Variants in ZNF354A observed in about 807,000 individuals in gnomAD.
The protein encoded by ZNF354A is epididymis luminal protein 104.
In ZNF354A, 25 loss-of-function variants were observed where a neutral mutation model predicts 53.3. That is an observed-to-expected ratio of 0.47 (90% CI 0.34 to 0.66). The LOEUF is 0.66. Ranked by LOEUF, ZNF354A falls within the 30% of genes least tolerant of loss-of-function variation. The pLI is 0.01. For synonymous variants in ZNF354A, 228 were observed against 249.0 expected (o/e 0.92, Z 0.79); for missense variants, 586 against 716.8 (o/e 0.82, Z 2.08).
At position 178,712,803 on chromosome 5, in the gene ZNF354A, A is replaced by T. The variant is rs1218448165; in HGVS notation, c.1075T>A (p.Cys359Ser). 6.2e-7 allele frequency: 1 copy of T among 1,614,040 alleles called. No individual in the cohort carries two copies. The highest frequency in any genetic ancestry group is 8.5e-7 in the Non-Finnish European group (1 of 1,180,034). ...SRKKSYLCNECGNTFKSSSSL... is the reference protein window; with the variant it reads ...SRKKSYLCNESGNTFKSSSSL... ...GAGCTAGACTTAAAGGTGTTGCCAC[A>T]TTCATTACATAAGTAGGACTTCTTT... The change falls in exon 5 of 5, where the codon TGT becomes AGT. Residue 359 changes from cysteine (C) to serine (S), a missense_variant. Coordinates refer to ENST00000335815, the MANE Select transcript of ZNF354A (RefSeq NM_005649.3).
At position 178,713,078 on chromosome 5, in the gene ZNF354A, T is replaced by C; in HGVS notation, c.800A>G (p.Glu267Gly). The change falls in exon 5 of 5, where the codon GAG (glutamate) becomes GGG (glycine). Residue 267 changes from glutamate (E) to glycine (G), a missense_variant. Glu to Gly is a moderately conservative substitution (Grantham distance 98). Transcript: ENST00000335815. Reference protein sequence around the residue: ...LIQHQITHTGEKPYICKECGK... With the variant: ...LIQHQITHTGGKPYICKECGK... ...ACATTCTTTACATATGTAGGGTTTC[T>C]CTCCAGTATGCGTTATTTGATGTTG... 1 of 1,613,990 alleles carries C rather than the reference T, an allele frequency of 6.2e-7. No individual in the cohort carries two copies. The highest frequency in any genetic ancestry group is 8.5e-7 in the Non-Finnish European group (1 of 1,179,886).
At chr5:178,721,539 G>C (rs1468948736) in intron 4 of ZNF354A, among the ~76,000 whole-genome samples, 2 of 152,090 alleles carry the variant, frequency 1.3e-5, no homozygotes, top group Admixed American at 6.5e-5. Flanking sequence ...TTAGATAACA[G>C]TACTAACTGT....
At chr5:178,715,778 C>A (rs888191755) in intron 4 of ZNF354A, among the ~76,000 whole-genome samples, 1 of 152,076 alleles carries the variant, frequency 6.6e-6, no homozygotes, top group Non-Finnish European at 1.5e-5. Flanking sequence ...GCCCTGAGCA[C>A]GGGGATCAGG....
chr5:178,730,462 A>T (rs1460718557), intron 1 of ZNF354A, 94 bp downstream of exon 1: 1 of 152,064 alleles, frequency 6.6e-6, no homozygotes, highest in Non-Finnish European at 1.5e-5. Context: ...GGTGCCCGCC[A>T]GCGCCCACAA....
chr5:178,723,665 G>A (rs1045160352), intron 4 of ZNF354A, among the ~76,000 whole-genome samples: 14 of 152,016 alleles, frequency 9.2e-5, no homozygotes, highest in Non-Finnish European at 1.8e-4. Context: ...TGCCTTGTGT[G>A]CAATGAGTGT....
In ZNF354A at chr5:178,720,063, C is replaced by T. The variant is rs1269538367; in HGVS notation, c.256+5313G>A. Among the ~76,000 whole-genome samples, 2 of 152,210 alleles carry T rather than the reference C, an allele frequency of 1.3e-5. 1 individual carries two copies. Among genetic ancestry groups the T allele is most frequent in the Admixed American group, 1.3e-4 (2 of 15,286 alleles). ...TAAACCATGATGGGGGTAGTACTGC[C>T]TATTTGTAAACATCCTCTATCATCT... On this transcript the variant is annotated intron_variant, in intron 4 of 4. Transcript: ENST00000335815.
intron 2 of ZNF354A, among the ~76,000 whole-genome samples, chr5:178,728,558 G>A (rs1765956347): frequency 6.6e-6 from 1 of 151,872 alleles, no homozygotes; most frequent in Non-Finnish European, 1.5e-5. Flanking sequence ...GGGAGGCTGA[G>A]GCGGGTGGAT....
chr5:178,718,823 C>T (rs1765759965), intron 4 of ZNF354A, among the ~76,000 whole-genome samples: 1 of 152,158 alleles, frequency 6.6e-6, no homozygotes, highest in Non-Finnish European at 1.5e-5. Flanking sequence ...GCCTCAAACT[C>T]CAGGGCTCAA....
rs755044490 is a variant in ZNF354A, at chr5:178,712,592, C to T, written c.1286G>A (p.Arg429Gln). 33 of 1,613,972 alleles carry T rather than the reference C, an allele frequency of 2.0e-5. No individual in the cohort carries two copies. Among genetic ancestry groups the T allele is most frequent in the African/African-American group, 1.3e-4 (10 of 74,910 alleles). Residue 429 changes from arginine (R) to glutamine (Q), a missense_variant, in exon 5 of 5, where the codon CGA becomes CAA. Physicochemically the swap from Arg to Gln is conservative, Grantham distance 43. This residue lies in a region of ZNF354A where 573 missense variants were observed against 680.1 expected (regional missense o/e 0.84). Coordinates refer to ENST00000335815, the MANE Select transcript of ZNF354A (RefSeq NM_005649.3). ...AAACTTCTCTCCAGTATGAATGATT[C>T]GGTGTCTATTAAGTCGTGAAATAGA... ...FTSISRLNRH[R>Q]IIHTGEKFYN...
chr5:178,727,179 G>T, intron 2 of ZNF354A, 54 bp from the exon 3 acceptor site: 2 of 1,513,926 alleles, frequency 1.3e-6, no homozygotes, highest in South Asian at 2.6e-5. Context: ...AGAGCAGAGG[G>T]GGCGGCAGTG....
intron 2 of ZNF354A, 110 bp downstream of exon 2, chr5:178,728,879 TC>T: frequency 7.8e-7 from 1 of 1,277,818 alleles, no homozygotes; most frequent in Non-Finnish European, 1.1e-6. Context: ...GACCAGCTCC[TC>T]CAAGAGAAAA....
chr5:178,726,852 T>G, intron 3 of ZNF354A, 147 bp downstream of exon 3: 1 of 1,257,156 alleles, frequency 8.0e-7, no homozygotes, highest in Non-Finnish European at 1.1e-6. Context: ...GGAATAGGTT[T>G]TTAATGTTTA....
At chr5:178,717,243 C>T (rs1765733946) in intron 4 of ZNF354A, among the ~76,000 whole-genome samples, 1 of 151,948 alleles carries the variant, frequency 6.6e-6, no homozygotes, top group Non-Finnish European at 1.5e-5. Context: ...CTGCGTGGAC[C>T]GACTACGCTG....
Position 178,712,180 on chromosome 5 carries a change from A to G in ZNF354A, c.1698T>C (p.Ile566=). Reference sequence around the variant, plus strand: ...CTCCAGTATGAATTCTCTGATGTGCAATACGTGATGAGCTTTGTCTAAAAG... The same window carrying G: ...CTCCAGTATGAATTCTCTGATGTGCGATACGTGATGAGCTTTGTCTAAAAG... ...GKTFRQSSSR[I]AHQRIHTGEK... The change falls in exon 5 of 5, where the codon ATT becomes ATC. Residue 566 remains isoleucine, a synonymous_variant. Transcript: ENST00000335815. 1.2e-6 allele frequency: 2 copies of G among 1,614,164 alleles called. No homozygotes were observed. Among genetic ancestry groups the G allele is most frequent in the Non-Finnish European group, 1.7e-6 (2 of 1,180,012 alleles).
chr5:178,719,056 T>C (rs1765763047), intron 4 of ZNF354A, among the ~76,000 whole-genome samples: 1 of 152,250 alleles, frequency 6.6e-6, no homozygotes, highest in Admixed American at 6.5e-5. Flanking sequence ...TCTTAAGTTA[T>C]TCCTTTGACC....
intron 4 of ZNF354A, among the ~76,000 whole-genome samples, chr5:178,719,938 C>T (rs1455561872): frequency 2.7e-5 from 3 of 109,656 alleles, no homozygotes; most frequent in Non-Finnish European, 4.2e-5. Flanking sequence ...CAGAGCGAGA[C>T]TCCGTCTCAA....
At chr5:178,721,372 C>T (rs1192576248) in intron 4 of ZNF354A, among the ~76,000 whole-genome samples, 1 of 152,130 alleles carries the variant, frequency 6.6e-6, no homozygotes, top group Non-Finnish European at 1.5e-5. Flanking sequence ...TGCATCTCAA[C>T]ATATTAAAAC....
At chr5:178,715,398 A>AT (rs879409005) in intron 4 of ZNF354A, among the ~76,000 whole-genome samples, 17 of 150,534 alleles carry the variant, frequency 1.1e-4, no homozygotes, top group Non-Finnish European at 2.1e-4. Context: ...AGGGTTTTGG[A>AT]TTTTTTTTTC....
intron 4 of ZNF354A, among the ~76,000 whole-genome samples, chr5:178,724,327 T>G (rs945866042): frequency 2.0e-5 from 3 of 151,340 alleles, no homozygotes; most frequent in Non-Finnish European, 4.4e-5. Flanking sequence ...CGGGTTCAAG[T>G]GTTTCTCCTG....
Sources: allele counts gnomAD v4.1 joint callset (sites outside exome capture counted in the v4.1 genomes callset), GRCh38; gene constraint gnomAD v4.1.1; regional missense constraint gnomAD v4.1.1; transcripts MANE v1.5; gene names NCBI Gene and HGNC (gene_info 2026-07-23, HGNC 2026-07-21).